Variants in FAM83D observed in about 807,000 individuals in gnomAD.
The protein encoded by FAM83D is protein FAM83D.
Under a neutral mutation model 25.4 loss-of-function variants are expected in FAM83D, and 26 were observed. The observed-to-expected ratio is 1.02, with a 90% CI of 0.75 to 1.42. The LOEUF is 1.42. Among genes scored for constraint, FAM83D ranks in the 40% most tolerant of loss-of-function variants. The probability of loss-of-function intolerance (pLI) is 0.00; values close to 1 mark genes in which losing one functional copy is unlikely to be tolerated. For synonymous variants in FAM83D, 310 were observed against 318.5 expected (o/e 0.97, Z 0.28); for missense variants, 740 against 758.1 (o/e 0.98, Z 0.28).
chr20:38,926,729 G>T lies in FAM83D; in HGVS notation c.287G>T (p.Cys96Phe). The stretch of plus-strand genomic sequence containing the variant: ...GACTCGTTCGGCTCCTCGCACGACT[G>T]CTCTTCGGGCACCTACTTCCCCGAG... ...AEDSFGSSHD[C>F]SSGTYFPEQS... is the part of the protein sequence containing the mutation. Residue 96 changes from cysteine to phenylalanine, a missense_variant, in exon 1 of 4, where the codon TGC becomes TTC. Physicochemically the swap from Cys to Phe is radical, Grantham distance 205 (BLOSUM62 -2). Transcript: ENST00000619850. 1 of 1,527,700 alleles carries T rather than the reference G, an allele frequency of 6.5e-7. No homozygotes were observed. The highest frequency in any genetic ancestry group is 8.7e-7 in the Non-Finnish European group (1 of 1,144,186). 94.6% of individuals were successfully genotyped at this position (1,527,700 alleles called of 1,614,324 possible).
rs1278519821 is a variant in FAM83D at position 38,951,643 on chromosome 20, C to T, written c.881C>T (p.Ser294Phe). The change falls in exon 4 of 4, where the codon TCC (serine) becomes TTC (phenylalanine). Residue 294 changes from serine (S) to phenylalanine (F), a missense_variant. Physicochemically the swap from Ser to Phe is radical, Grantham distance 155. Around this residue, in one of 3 missense-constraint regions of FAM83D, gnomAD observed 375 missense variants for 403.2 expected, o/e 0.93. Transcript: ENST00000619850. ...DLEFRILYAQ[S>F]KPISPKLLSH... ...GAGTTCCGAATCCTGTATGCCCAGT[C>T]CAAGCCCATCAGCCCCAAACTCCTG... 3 of 1,614,060 alleles carry T rather than the reference C, an allele frequency of 1.9e-6. No individual in the cohort carries two copies. The African/African-American group carries it at 4.0e-5, about 22-fold the overall frequency.
chr20:38,947,541 T>A (rs2085733298), intron 2 of FAM83D, among the ~76,000 whole-genome samples: 1 of 152,236 alleles, frequency 6.6e-6, no homozygotes, highest in Non-Finnish European at 1.5e-5. Flanking sequence ...ACATTTTGCT[T>A]CAGAATCATT....
chr20:38,945,608 T>C (rs2085723754), intron 2 of FAM83D, among the ~76,000 whole-genome samples: 1 of 152,264 alleles, frequency 6.6e-6, no homozygotes, highest in Non-Finnish European at 1.5e-5. Flanking sequence ...AATGCCCTTT[T>C]TTATGGTCCA....
Position 38,926,464 on chromosome 20 carries a change from C to G in FAM83D, c.22C>G (p.Leu8Val). The G allele has an allele frequency of 6.3e-7, 1 of 1,598,244 alleles. No homozygotes were observed. Among genetic ancestry groups the G allele is most frequent in the Non-Finnish European group, 8.5e-7 (1 of 1,178,720 alleles). ...CGCCATGGCTCTGCTGTCCGAGGGC[C>G]TGGACGAGGTGCCCGCCGCCTGCCT... MALLSEG[L>V]DEVPAACLSP... is the part of the protein sequence containing the mutation. The change falls in exon 1 of 4, where the codon CTG becomes GTG. Residue 8 changes from leucine (L) to valine (V), a missense_variant. Around this residue, in one of 3 missense-constraint regions of FAM83D, gnomAD observed 333 missense variants for 298.6 expected, o/e 1.12. Coordinates refer to ENST00000619850, the MANE Select transcript of FAM83D (RefSeq NM_030919.3).
chr20:38,952,368 G>T lies in FAM83D; in HGVS notation c.1606G>T (p.Ala536Ser), dbSNP rs780749747. The change falls in exon 4 of 4, where the codon GCT becomes TCT. Residue 536 changes from alanine (A) to serine (S), a missense_variant. Around this residue, in one of 3 missense-constraint regions of FAM83D, gnomAD observed 375 missense variants for 403.2 expected, o/e 0.93. Coordinates refer to ENST00000619850, the MANE Select transcript of FAM83D (RefSeq NM_030919.3). ...NLNKERQFHF[A>S]GIRSRLNHML... ...GAACAAAGAGCGGCAATTCCACTTC[G>T]CTGGTATCAGGTCCCGGCTCAACCA... is the stretch of plus-strand genomic sequence containing the variant. 9 of 1,614,028 alleles carry T rather than the reference G, an allele frequency of 5.6e-6. No homozygotes were observed. The East Asian group carries it at 1.3e-4, about 24-fold the overall frequency.
In FAM83D at chr20:38,950,452, G is replaced by A. The variant is rs141493121; in HGVS notation, c.777-1087G>A. ...GGGAAGGGACACCGTACAGGCAAGG[G>A]CACATGGCCACTAATCAGCTCTAAA... On this transcript the variant is annotated intron_variant, in intron 3 of 3. Coordinates refer to ENST00000619850, the MANE Select transcript of FAM83D (RefSeq NM_030919.3). 3.9e-3 allele frequency among the ~76,000 whole-genome samples: 598 copies of A among 152,292 alleles called. 2 individuals carry two copies. Among genetic ancestry groups the A allele is most frequent in the African/African-American group, 0.014 (574 of 41,560 alleles).
chr20:38,945,180 A>G (rs1036763521), intron 2 of FAM83D, among the ~76,000 whole-genome samples: 1 of 152,134 alleles, frequency 6.6e-6, no homozygotes, highest in African/African-American at 2.4e-5. Flanking sequence ...GGCGCTCACA[A>G]GTGCTTTGGC....
intron 1 of FAM83D, among the ~76,000 whole-genome samples, chr20:38,932,041 C>T (rs1312476941): frequency 6.6e-6 from 1 of 152,334 alleles, no homozygotes; most frequent in Admixed American, 6.5e-5. Flanking sequence ...TTTCTATATA[C>T]CTTTCAAAGT....
At chr20:38,943,589 T>C (rs1014986362) in intron 2 of FAM83D, among the ~76,000 whole-genome samples, 1 of 152,232 alleles carries the variant, frequency 6.6e-6, no homozygotes, top group Non-Finnish European at 1.5e-5. Flanking sequence ...GAAAATGACC[T>C]AAGTGTTTCA....
intron 1 of FAM83D, among the ~76,000 whole-genome samples, chr20:38,928,899 C>T (rs2085647620): frequency 6.6e-6 from 1 of 152,160 alleles, no homozygotes; most frequent in Non-Finnish European, 1.5e-5. Flanking sequence ...TGAGTATTGG[C>T]TGGGCACAGT....
At chr20:38,947,753 C>T in intron 2 of FAM83D, 123 bp from the exon 3 acceptor site, 4 of 1,170,702 alleles carry the variant, frequency 3.4e-6, no homozygotes, top group Non-Finnish European at 4.9e-6. Context: ...TGACCCTAAG[C>T]CACGCATATG....
In FAM83D at chr20:38,952,431, G is replaced by A. The variant is rs2085760565; in HGVS notation, c.1669G>A (p.Glu557Lys). The change falls in exon 4 of 4, where the codon GAA becomes AAA. Residue 557 changes from glutamate to lysine, a missense_variant. By Grantham distance (56) the Glu-to-Lys change is moderately conservative. Coordinates refer to ENST00000619850, the MANE Select transcript of FAM83D (RefSeq NM_030919.3). The part of the protein sequence containing the change: ...AMLSRRTLFT[E>K]NHLGLHSGNF... ...GCTGTCAAGGAGAACACTCTTTACT[G>A]AAAACCACCTTGGCCTTCATTCTGG... The A allele has an allele frequency of 6.2e-7, 1 of 1,614,182 alleles. No homozygotes were observed. The highest frequency in any genetic ancestry group is 8.5e-7 in the Non-Finnish European group (1 of 1,180,044).
At chr20:38,945,736 A>ACCCCCCCCCC (rs1337392005) in intron 2 of FAM83D, among the ~76,000 whole-genome samples, 1 of 70,912 alleles carries the variant, frequency 1.4e-5, no homozygotes, top group Non-Finnish European at 2.8e-5. Context: ...ACCTGCCCCC[A>ACCCCCCCCCC]CCCCCCCCCC....
At chr20:38,928,805 C>G (rs1353656577) in intron 1 of FAM83D, among the ~76,000 whole-genome samples, 1 of 152,176 alleles carries the variant, frequency 6.6e-6, no homozygotes, top group African/African-American at 2.4e-5. Flanking sequence ...CCTAGTCTAG[C>G]TACCCACAGT....
chr20:38,948,919 A>G (rs896512737), intron 3 of FAM83D, among the ~76,000 whole-genome samples: 2 of 152,200 alleles, frequency 1.3e-5, no homozygotes, highest in African/African-American at 4.8e-5. Context: ...GGAAAAAACA[A>G]ATTGAACTCT....
In FAM83D at chr20:38,949,969, C is replaced by A. The variant is rs534783357; in HGVS notation, c.777-1570C>A. ...GAGTAGCTGGGACTACAGGCGCCCGCCACCACGCCCAGCTAACTTTTTTTT... is the reference window on the plus strand; with the variant it reads ...GAGTAGCTGGGACTACAGGCGCCCGACACCACGCCCAGCTAACTTTTTTTT... On this transcript the variant is annotated intron_variant, in intron 3 of 3. Coordinates refer to ENST00000619850, the MANE Select transcript of FAM83D (RefSeq NM_030919.3). Among the ~76,000 whole-genome samples the A allele has an allele frequency of 8.5e-4, 129 of 152,312 alleles. 1 individual carries two copies. The highest frequency in any genetic ancestry group is 3.0e-3 in the African/African-American group (125 of 41,566).
intron 1 of FAM83D, among the ~76,000 whole-genome samples, chr20:38,931,547 G>A (rs1377184913): frequency 6.6e-6 from 1 of 152,230 alleles, no homozygotes; most frequent in Non-Finnish European, 1.5e-5. Flanking sequence ...GGCTGCAGTA[G>A]AGCACGGTCG....
intron 1 of FAM83D, among the ~76,000 whole-genome samples, chr20:38,932,366 A>T (rs1226773881): frequency 6.6e-6 from 1 of 152,224 alleles, no homozygotes; most frequent in Admixed American, 6.5e-5. Context: ...AGCTTGGGTG[A>T]CAGGGCAAGA....
In FAM83D at chr20:38,926,516, C is replaced by G. The variant is rs1222350179; in HGVS notation, c.74C>G (p.Thr25Ser). Reference protein sequence around the residue: ...CLSPCGPPNPTELFSESRRLA... With the variant: ...CLSPCGPPNPSELFSESRRLA... Reference sequence around the variant, plus strand: ...TCGCCGTGCGGGCCGCCCAACCCGACCGAGCTGTTCAGCGAGTCACGGCGC... The same window carrying G: ...TCGCCGTGCGGGCCGCCCAACCCGAGCGAGCTGTTCAGCGAGTCACGGCGC... The change falls in exon 1 of 4, where the codon ACC becomes AGC. Residue 25 changes from threonine (T) to serine (S), a missense_variant. By Grantham distance (58) the Thr-to-Ser change is moderately conservative. This residue lies in a region of FAM83D where 333 missense variants were observed against 298.6 expected (regional missense o/e 1.12). Transcript: ENST00000619850. 11 of 1,594,414 alleles carry G rather than the reference C, an allele frequency of 6.9e-6. No homozygotes were observed. Among genetic ancestry groups the G allele is most frequent in the Non-Finnish European group, 9.3e-6 (11 of 1,177,026 alleles).
Sources: gnomAD v4.1 joint callset for allele counts (sites outside exome capture counted in the v4.1 genomes callset) on GRCh38, gnomAD v4.1.1 for gene constraint, gnomAD v4.1.1 regional missense constraint, MANE v1.5 for transcripts, NCBI Gene and HGNC (gene_info 2026-07-23, HGNC 2026-07-21) for gene names.